Variants in NEXMIF observed in about 807,000 individuals in gnomAD.
NEXMIF encodes the protein XLMR protein related to neurite extension.
Under a neutral mutation model 62.1 loss-of-function variants are expected in NEXMIF, and 8 were observed. That is an observed-to-expected ratio of 0.13 (90% confidence interval 0.08 to 0.23). The LOEUF is 0.23. Ranked by LOEUF, NEXMIF falls within the 10% of genes least tolerant of loss-of-function variation. The pLI, the probability that NEXMIF is intolerant of heterozygous loss-of-function variation, is 1.00. For synonymous variants in NEXMIF, 404 were observed against 416.6 expected (o/e 0.97, Z 0.37); for missense variants, 976 against 1,113.3 (o/e 0.88, Z 1.75).
At chrX:74,908,933 T>A (rs1406209609) in intron 1 of NEXMIF, among the ~76,000 whole-genome samples, 1 of 111,720 alleles carries the variant, frequency 9.0e-6, no homozygotes, top group Non-Finnish European at 1.9e-5. Context: ...TCCCTCATTT[T>A]CTCTTGCCAC....
At position 74,852,982 on chromosome X, in the gene NEXMIF, T is replaced by A. The variant is rs189524316; in HGVS notation, c.-48+71901A>T. Among the ~76,000 whole-genome samples the A allele has an allele frequency of 3.4e-3, 380 of 110,455 alleles. 2 individuals carry two copies. The highest frequency in any genetic ancestry group is 0.012 in the African/African-American group (362 of 30,287). On this transcript the variant is annotated intron_variant, in intron 1 of 3. Transcript: ENST00000055682. ...ACTAAATTAAATAGAGACTAAAAAATTTACAAAGCATCAACAAAATGAAAA... is the reference window on the plus strand; with the variant it reads ...ACTAAATTAAATAGAGACTAAAAAAATTACAAAGCATCAACAAAATGAAAA...
chrX:74,778,101 A>T (rs537175246), intron 1 of NEXMIF, among the ~76,000 whole-genome samples: 21 of 111,959 alleles, frequency 1.9e-4, no homozygotes, highest in African/African-American at 6.8e-4. Flanking sequence ...CTGTGCATGA[A>T]CTTTGTGTCC....
In NEXMIF at chrX:74,742,780, T is replaced by G; in HGVS notation, c.1777A>C (p.Lys593Gln). The part of the protein sequence containing the change: ...PLKGFWQKKK[K>Q]QRNTNTDSIK... ...GAGTCCGTGTTGGTGTTTCTCTGCTTCTTCTTCTTTTGCCAGAAGCCTTTC... is the reference window on the plus strand; with the variant it reads ...GAGTCCGTGTTGGTGTTTCTCTGCTGCTTCTTCTTTTGCCAGAAGCCTTTC... Residue 593 changes from lysine (K) to glutamine (Q), a missense_variant, in exon 3 of 4, where the codon AAG becomes CAG. This residue lies in a region of NEXMIF where 639 missense variants were observed against 694.5 expected (regional missense o/e 0.92). Transcript: ENST00000055682. The G allele has an allele frequency of 2.5e-6, 3 of 1,211,046 alleles. No individual in the cohort carries two copies. Among genetic ancestry groups the G allele is most frequent in the Non-Finnish European group, 3.4e-6 (3 of 895,146 alleles).
chrX:74,770,155 C>A (rs1175237325), intron 1 of NEXMIF, among the ~76,000 whole-genome samples: 1 of 111,989 alleles, frequency 8.9e-6, no homozygotes, highest in African/African-American at 3.2e-5. Context: ...CTTTGTATGA[C>A]CTTTTCTGGC....
chrX:74,819,194 TA>T (rs1468929667), intron 1 of NEXMIF, among the ~76,000 whole-genome samples: 1 of 112,037 alleles, frequency 8.9e-6, no homozygotes, highest in Non-Finnish European at 1.9e-5. Flanking sequence ...CAAGATGGAT[TA>T]AAGACTTAAA....
Position 74,739,427 on chromosome X carries a change from C to G in NEXMIF, c.4529G>C (p.Arg1510Pro). The change falls in exon 4 of 4, where the codon CGC becomes CCC. Residue 1510 changes from arginine (R) to proline (P), a missense_variant. Arg to Pro is a moderately radical substitution (Grantham distance 103). This residue lies in a region of NEXMIF where 137 missense variants were observed against 128.9 expected (regional missense o/e 1.06). Transcript: ENST00000055682. ...ACATCAAATGTCTTTCTGGAAAATGCGAGTCTCTTCTTCAAACACAGGTAA... is the reference window on the plus strand; with the variant it reads ...ACATCAAATGTCTTTCTGGAAAATGGGAGTCTCTTCTTCAAACACAGGTAA... ...WVLPVFEEET[R>P]IFQKDI 8.4e-7 allele frequency: 1 copy of G among 1,196,018 alleles called. No homozygotes were observed. The highest frequency in any genetic ancestry group is 1.1e-6 in the Non-Finnish European group (1 of 888,020).
intron 1 of NEXMIF, among the ~76,000 whole-genome samples, chrX:74,766,585 T>C (rs779907648): frequency 8.9e-6 from 1 of 112,278 alleles, no homozygotes; most frequent in African/African-American, 3.2e-5. Flanking sequence ...TCAGATCTGT[T>C]AGTTTCCTTT....
chrX:74,877,817 C>A, intron 1 of NEXMIF, among the ~76,000 whole-genome samples: 1 of 111,944 alleles, frequency 8.9e-6, no homozygotes, highest in Non-Finnish European at 1.9e-5. Flanking sequence ...TCACGTAGTT[C>A]TCGAGCCTTG....
chrX:74,798,457 T>C (rs986446758), intron 1 of NEXMIF, among the ~76,000 whole-genome samples: 1 of 112,251 alleles, frequency 8.9e-6, no homozygotes, highest in Non-Finnish European at 1.9e-5. Flanking sequence ...GTAAAGTTCA[T>C]AGCTTTGATG....
At chrX:74,814,952 A>T (rs2080371514) in intron 1 of NEXMIF, among the ~76,000 whole-genome samples, 1 of 111,975 alleles carries the variant, frequency 8.9e-6, no homozygotes, top group African/African-American at 3.2e-5. Flanking sequence ...TCTTTGCATG[A>T]ATGGAATAAA....
chrX:74,851,788 A>G (rs906141690), intron 1 of NEXMIF, among the ~76,000 whole-genome samples: 1 of 111,828 alleles, frequency 8.9e-6, no homozygotes, highest in African/African-American at 3.3e-5. Flanking sequence ...AAGACACAAA[A>G]GTATAAAACC....
intron 1 of NEXMIF, among the ~76,000 whole-genome samples, chrX:74,827,612 C>T (rs1356330488): frequency 8.9e-6 from 1 of 112,036 alleles, no homozygotes; most frequent in Non-Finnish European, 1.9e-5. Context: ...TTGAAACAGG[C>T]AGTAATATGC....
intron 1 of NEXMIF, among the ~76,000 whole-genome samples, chrX:74,882,292 A>C (rs1190384735): frequency 8.9e-6 from 1 of 112,002 alleles, no homozygotes; most frequent in African/African-American, 3.2e-5. Context: ...AGTGCTGGAC[A>C]GTTGGTGCAG....
At chrX:74,844,474 C>T (rs184021508) in intron 1 of NEXMIF, among the ~76,000 whole-genome samples, 6 of 111,437 alleles carry the variant, frequency 5.4e-5, no homozygotes, top group Non-Finnish European at 9.4e-5. Flanking sequence ...CTTCCAGGTC[C>T]CCTTACTCCT....
At chrX:74,890,556 G>A (rs766238075) in intron 1 of NEXMIF, among the ~76,000 whole-genome samples, 2 of 111,581 alleles carry the variant, frequency 1.8e-5, no homozygotes, top group Non-Finnish European at 1.9e-5. Flanking sequence ...TATGAATTAT[G>A]TACATATCAT....
At chrX:74,752,434 C>T (rs746296586) in intron 1 of NEXMIF, among the ~76,000 whole-genome samples, 1 of 111,294 alleles carries the variant, frequency 9.0e-6, no homozygotes, top group East Asian at 2.8e-4. Context: ...CATTTGTGTC[C>T]TAGCTCAGTG....
At chrX:74,921,791 C>G (rs751640077) in intron 1 of NEXMIF, among the ~76,000 whole-genome samples, 8 of 111,501 alleles carry the variant, frequency 7.2e-5, no homozygotes, top group Non-Finnish European at 1.3e-4. Context: ...GCCAAATGAC[C>G]TACTCCTTAG....
intron 1 of NEXMIF, among the ~76,000 whole-genome samples, chrX:74,901,114 A>G (rs781481762): frequency 1.8e-5 from 2 of 111,988 alleles, no homozygotes; most frequent in Non-Finnish European, 3.8e-5. Flanking sequence ...AATGAATTTA[A>G]TTCCACACAA....
intron 1 of NEXMIF, among the ~76,000 whole-genome samples, chrX:74,855,080 T>G (rs909312605): frequency 8.9e-6 from 1 of 112,089 alleles, no homozygotes; most frequent in Admixed American, 9.5e-5. Flanking sequence ...AAAATTTATA[T>G]GGAACTCAAA....
Sources: gnomAD v4.1 joint callset for allele counts (sites outside exome capture counted in the v4.1 genomes callset) on GRCh38, gnomAD v4.1.1 for gene constraint, gnomAD v4.1.1 regional missense constraint, MANE v1.5 for transcripts, NCBI Gene and HGNC (gene_info 2026-07-23, HGNC 2026-07-21) for gene names.